The following AUTS2 variants were observed in gnomAD, a reference collection of about 807,000 sequenced individuals.
AUTS2 encodes the protein autism susceptibility gene 2 protein.
A neutral mutation model predicts 112.4 loss-of-function variants in AUTS2; 17 were observed. The ratio of observed to expected loss-of-function variants is 0.15; its 90% CI spans 0.10 to 0.23. The LOEUF is 0.23. Ranked by LOEUF, AUTS2 falls within the 10% of genes least tolerant of loss-of-function variation. AUTS2 has a pLI of 1.00. For synonymous variants in AUTS2, 751 were observed against 702.7 expected, an observed-to-expected ratio of 1.07 and a Z score of -1.09; for missense variants, 1,510 against 1,701.6, an observed-to-expected ratio of 0.89 and a Z score of 1.98.
intron 2 of AUTS2, among the ~76,000 whole-genome samples, chr7:69,982,956 C>T (rs1798357332): frequency 2.6e-5 from 4 of 152,138 alleles, no homozygotes; most frequent in Non-Finnish European, 4.4e-5. Flanking sequence ...TTAGTTCAAT[C>T]CCATCAATCT....
rs142789646 is a variant in AUTS2, at chr7:70,054,642, C to T, written c.523-63490C>T. Among the ~76,000 whole-genome samples, 327 of 152,242 alleles carry T rather than the reference C, an allele frequency of 2.1e-3. 4 individuals carry two copies. Among genetic ancestry groups the T allele is most frequent in the East Asian group, 0.017 (88 of 5,170 alleles). On this transcript the variant is annotated intron_variant, in intron 2 of 18. Coordinates refer to ENST00000342771, the MANE Select transcript of AUTS2 (RefSeq NM_015570.4). ...GAACCTATGCTGATTCCTGAGATCA[C>T]GGCTTCTTTTTCTAAATACACAAAA...
chr7:70,287,502 T>TA (rs1584976535), intron 4 of AUTS2, among the ~76,000 whole-genome samples: 1 of 152,258 alleles, frequency 6.6e-6, no homozygotes, highest in Non-Finnish European at 1.5e-5. Context: ...CTAATGAAAT[T>TA]AAATAAAGAT....
At chr7:69,954,011 A>G (rs772133161) in intron 2 of AUTS2, among the ~76,000 whole-genome samples, 32 of 152,100 alleles carry the variant, frequency 2.1e-4, no homozygotes, top group Non-Finnish European at 3.8e-4. Flanking sequence ...GACAGACTGC[A>G]GAGTGTTTGC....
At chr7:69,710,477 G>A (rs972846365) in intron 1 of AUTS2, among the ~76,000 whole-genome samples, 42 of 152,168 alleles carry the variant, frequency 2.8e-4, no homozygotes, top group Admixed American at 1.4e-3. Flanking sequence ...TGACTGGTGC[G>A]GATGCCTGGA....
intron 2 of AUTS2, among the ~76,000 whole-genome samples, chr7:69,985,228 A>T (rs796730316): frequency 2.6e-4 from 16 of 62,200 alleles, no homozygotes; most frequent in African/African-American, 8.8e-4. Context: ...AAGACTCTCT[A>T]AAAAAAAAAA....
intron 2 of AUTS2, among the ~76,000 whole-genome samples, chr7:69,982,470 G>A (rs58225638): frequency 0.36 from 54,445 of 151,066 alleles, 10,299 homozygotes; most frequent in African/African-American, 0.48. Context: ...CCTGAGGGGG[G>A]AAAAAAAACG....
At chr7:69,866,420 GC>G (rs1199668275) in intron 1 of AUTS2, among the ~76,000 whole-genome samples, 5 of 152,146 alleles carry the variant, frequency 3.3e-5, no homozygotes, top group Admixed American at 3.3e-4. Context: ...TTCCATGATT[GC>G]CCCCCTGGAG....
intron 4 of AUTS2, among the ~76,000 whole-genome samples, chr7:70,426,586 G>C (rs1018021792): frequency 2.0e-5 from 3 of 152,204 alleles, no homozygotes; most frequent in Non-Finnish European, 4.4e-5. Flanking sequence ...GATGAGAAGT[G>C]AAAGAGAGCA....
intron 1 of AUTS2, among the ~76,000 whole-genome samples, chr7:69,699,072 T>C: frequency 6.6e-6 from 1 of 152,182 alleles, no homozygotes; most frequent in South Asian, 2.1e-4. Flanking sequence ...TAGGAAGCAA[T>C]AGAAAAAGAA....
chr7:70,750,576 T>G (rs1788753540), intron 6 of AUTS2, among the ~76,000 whole-genome samples: 1 of 151,310 alleles, frequency 6.6e-6, no homozygotes, highest in Admixed American at 6.6e-5. Context: ...AACTTTTGTA[T>G]TTTTTTGTAG....
At chr7:70,786,974 G>T in intron 17 of AUTS2, 1 of 610,008 alleles carries the variant, frequency 1.6e-6, no homozygotes. Flanking sequence ...AACTTCCCCT[G>T]TCCCCACCTT....
At chr7:70,524,039 C>T (rs562562219) in intron 5 of AUTS2, among the ~76,000 whole-genome samples, 42 of 152,320 alleles carry the variant, frequency 2.8e-4, no homozygotes, top group African/African-American at 9.6e-4. Context: ...TGAAGTTATT[C>T]GAACAAAATG....
At chr7:69,958,032 A>T (rs1797286411) in intron 2 of AUTS2, among the ~76,000 whole-genome samples, 1 of 152,198 alleles carries the variant, frequency 6.6e-6, no homozygotes, top group South Asian at 2.1e-4. Context: ...AAGGACAGGC[A>T]TTCATGGATG....
At chr7:69,710,181 C>T (rs189293941) in intron 1 of AUTS2, among the ~76,000 whole-genome samples, 84 of 152,222 alleles carry the variant, frequency 5.5e-4, no homozygotes, top group Non-Finnish European at 8.2e-4. Flanking sequence ...CTTGTATATA[C>T]TTTACTTGTG....
At chr7:70,389,480 C>T (rs935545645) in intron 4 of AUTS2, among the ~76,000 whole-genome samples, 2 of 152,212 alleles carry the variant, frequency 1.3e-5, no homozygotes, top group African/African-American at 4.8e-5. Flanking sequence ...CAGAATGCCA[C>T]TCTCTCATTC....
At chr7:70,647,134 C>G (rs1806213130) in intron 5 of AUTS2, among the ~76,000 whole-genome samples, 1 of 152,156 alleles carries the variant, frequency 6.6e-6, no homozygotes, top group Non-Finnish European at 1.5e-5. Context: ...GACTTGTGTT[C>G]CATGTTGGAG....
chr7:70,574,388 C>G (rs2129526232), intron 5 of AUTS2, among the ~76,000 whole-genome samples: 1 of 152,248 alleles, frequency 6.6e-6, no homozygotes, highest in Middle Eastern at 3.4e-3. Flanking sequence ...AGTTTCTACC[C>G]GTATGTCTTT....
At chr7:70,244,363 C>T (rs1812790355) in intron 4 of AUTS2, among the ~76,000 whole-genome samples, 1 of 152,122 alleles carries the variant, frequency 6.6e-6, no homozygotes, top group East Asian at 1.9e-4. Context: ...GTTAGAGAGG[C>T]ATTTATAGCA....
chr7:70,753,214 A>T (rs1788978655), intron 6 of AUTS2, among the ~76,000 whole-genome samples: 1 of 152,164 alleles, frequency 6.6e-6, no homozygotes, highest in South Asian at 2.1e-4. Flanking sequence ...ACTGGACTCC[A>T]CACAGCTCTC....
Sources: gnomAD v4.1 joint callset for allele counts (sites outside exome capture counted in the v4.1 genomes callset) on GRCh38, gnomAD v4.1.1 for gene constraint, MANE v1.5 for transcripts, NCBI Gene and HGNC (gene_info 2026-07-23, HGNC 2026-07-21) for gene names.